The following PAPLN variants were observed in gnomAD, a reference collection of about 807,000 sequenced individuals.
PAPLN encodes papilin, proteoglycan like sulfated glycoprotein.
In PAPLN, 146 loss-of-function variants were observed where a neutral mutation model predicts 159.0. That is an observed-to-expected ratio of 0.92 (90% confidence interval 0.80 to 1.05). The LOEUF (loss-of-function observed/expected upper bound fraction) is 1.05. Ranked by LOEUF, PAPLN falls within the 50% of genes least tolerant of loss-of-function variation. PAPLN has a pLI of 0.00. For synonymous variants in PAPLN, 734 were observed against 702.9 expected (o/e 1.04, Z -0.70); for missense variants, 1,720 against 1,743.9 (o/e 0.99, Z 0.24).
At chr14:73,258,618 T>TA (rs57126237) in intron 14 of PAPLN, among the ~76,000 whole-genome samples, 1,117 of 75,756 alleles carry the variant, frequency 0.015, 35 homozygotes, top group Admixed American at 0.02. Context: ...ACCCTATCTC[T>TA]AAAAAAAAAA....
intron 14 of PAPLN, among the ~76,000 whole-genome samples, chr14:73,257,305 A>T (rs1209450911): frequency 1.3e-5 from 2 of 152,026 alleles, no homozygotes; most frequent in African/African-American, 4.8e-5. Flanking sequence ...TTCTTCCATT[A>T]TATAGTAATA....
intron 14 of PAPLN, among the ~76,000 whole-genome samples, chr14:73,257,445 TA>T (rs1219452678): frequency 6.6e-6 from 1 of 151,484 alleles, no homozygotes; most frequent in East Asian, 1.9e-4. Context: ...TATGTAGCAT[TA>T]AAAAAAAATT....
chr14:73,269,748 T>C (rs919222940), intron 26 of PAPLN, among the ~76,000 whole-genome samples: 8 of 152,138 alleles, frequency 5.3e-5, no homozygotes, highest in Admixed American at 1.3e-4. Context: ...GATACAGACC[T>C]TGGGGGAGTA....
intron 18 of PAPLN, among the ~76,000 whole-genome samples, chr14:73,261,897 T>C (rs1278999142): frequency 1.3e-5 from 2 of 152,094 alleles, no homozygotes; most frequent in African/African-American, 4.8e-5. Context: ...GTGGGCTCAG[T>C]GGCCAGTCAG....
chr14:73,245,754 T>C lies in PAPLN; in HGVS notation c.231+58T>C, dbSNP rs1399776155. On this transcript the variant is annotated intron_variant, in intron 4 of 26. Transcript: ENST00000644200. This position sits in a 1 kb window ranked among gnomAD's most constrained non-coding sequence, Gnocchi z 4.2. ...GCTTCCCCAGCCCCTCCTGGCCGAT[T>C]TCCCCATTGGGATGCCCGCTCCTGG... The C allele has an allele frequency of 2.6e-6, 4 of 1,528,272 alleles. No individual in the cohort carries two copies. Among genetic ancestry groups the C allele is most frequent in the Admixed American group, 3.9e-5 (2 of 50,676 alleles). 94.7% of individuals were successfully genotyped at this position (1,528,272 alleles called of 1,614,324 possible).
intron 9 of PAPLN, 24 bp from the exon 10 acceptor site, chr14:73,251,994 C>A: frequency 6.3e-7 from 1 of 1,591,164 alleles, no homozygotes; most frequent in Non-Finnish European, 8.6e-7. Context: ...GCAGCAGACC[C>A]CAACAAGGAC....
Position 73,245,808 on chromosome 14 carries a change from G to A in PAPLN, c.231+112G>A. 7.3e-7 allele frequency: 1 copy of A among 1,361,528 alleles called. No individual in the cohort carries two copies. The highest frequency in any genetic ancestry group is 1.0e-6 in the Non-Finnish European group (1 of 1,004,768). 84.3% of individuals were successfully genotyped at this position (1,361,528 alleles called of 1,614,324 possible). On this transcript the variant is annotated intron_variant, in intron 4 of 26. Coordinates refer to ENST00000644200, the MANE Select transcript of PAPLN (RefSeq NM_001365906.3). This position sits in a 1 kb window ranked among gnomAD's most constrained non-coding sequence, Gnocchi z 4.2. ...CGGGCTGCTGGGTTGGCCCAGCCTGGGGTCCTCCCGCCAATCCACAGCAGG... is the reference window on the plus strand; with the variant it reads ...CGGGCTGCTGGGTTGGCCCAGCCTGAGGTCCTCCCGCCAATCCACAGCAGG...
chr14:73,253,827 A>G lies in PAPLN; in HGVS notation c.1168A>G (p.Ile390Val). The G allele has an allele frequency of 1.2e-6, 2 of 1,613,648 alleles. No individual in the cohort carries two copies. The highest frequency in any genetic ancestry group is 1.7e-6 in the Non-Finnish European group (2 of 1,179,934). Residue 390 changes from isoleucine (I) to valine (V), a missense_variant, in exon 12 of 27, where the codon ATC (isoleucine) becomes GTC (valine). By Grantham distance (29) the Ile-to-Val change is conservative. Transcript: ENST00000644200. Reference protein sequence around the residue: ...GGSQSRSVYCISSDGAGIQEA... With the variant: ...GGSQSRSVYCVSSDGAGIQEA... Reference sequence around the variant, plus strand: ...CTCCCAGTCCCGCTCCGTGTACTGCATCTCGTCTGACGGGGCCGGCATCCA... The same window carrying G: ...CTCCCAGTCCCGCTCCGTGTACTGCGTCTCGTCTGACGGGGCCGGCATCCA...
In PAPLN at chr14:73,274,590, T is replaced by C. The variant is rs933529453; in HGVS notation, c.*1926T>C. On this transcript the variant is annotated 3_prime_UTR_variant, in exon 27 of 27. Transcript: ENST00000644200. ...TGTTCACTTATGGCTGGTTTTGCTA[T>C]AGAAATTGGAAAATAAAGGCCACTT... 1.3e-5 allele frequency: 2 copies of C among 152,160 alleles called. 1 individual carries two copies. Among genetic ancestry groups the C allele is most frequent in the African/African-American group, 4.8e-5 (2 of 41,436 alleles). 9.4% of individuals were successfully genotyped at this position (152,160 alleles called of 1,614,324 possible). A position where few individuals can be genotyped will look rare whatever the true frequency, so the allele number is the denominator to read the frequency against.
chr14:73,249,972 T>C lies in PAPLN; in HGVS notation c.335-12T>C. ...CCTCAGGATCTCAGTCTTGCCTTCCTGCCCACCCCAGCCCCAAACAAGTGT... is the reference window on the plus strand; with the variant it reads ...CCTCAGGATCTCAGTCTTGCCTTCCCGCCCACCCCAGCCCCAAACAAGTGT... On this transcript the variant is annotated splice_polypyrimidine_tract_variant and intron_variant, in intron 5 of 26. Transcript: ENST00000644200. 2 of 1,592,970 alleles carry C rather than the reference T, an allele frequency of 1.3e-6. No individual in the cohort carries two copies. The highest frequency in any genetic ancestry group is 1.7e-6 in the Non-Finnish European group (2 of 1,168,672).
intron 25 of PAPLN, 107 bp from the exon 26 acceptor site, chr14:73,268,450 A>G: frequency 8.5e-7 from 1 of 1,181,978 alleles, no homozygotes; most frequent in Non-Finnish European, 1.2e-6. Context: ...TTTGCTCTCA[A>G]GGGGTGGGAA....
chr14:73,251,455 G>A, intron 7 of PAPLN, 31 bp from the exon 8 acceptor site: 1 of 1,592,284 alleles, frequency 6.3e-7, no homozygotes, highest in East Asian at 2.2e-5. Context: ...GGATAGCCCA[G>A]CACACCCAGC....
chr14:73,267,338 A>AT (rs887334929), intron 25 of PAPLN, among the ~76,000 whole-genome samples: 2 of 152,082 alleles, frequency 1.3e-5, no homozygotes, highest in Non-Finnish European at 2.9e-5. Flanking sequence ...TTTAGCAGCC[A>AT]TTTTTTGCCT....
At chr14:73,255,370 C>T (rs1885785405) in intron 14 of PAPLN, among the ~76,000 whole-genome samples, 1 of 152,158 alleles carries the variant, frequency 6.6e-6, no homozygotes, top group Admixed American at 6.5e-5. Flanking sequence ...GGACTGGGTC[C>T]CCAACTTCCA....
chr14:73,251,513 T>G lies in PAPLN; in HGVS notation c.617T>G (p.Met206Arg), dbSNP rs763283352. 6.2e-7 allele frequency: 1 copy of G among 1,610,244 alleles called. No homozygotes were observed. The highest frequency in any genetic ancestry group is 8.5e-7 in the Non-Finnish European group (1 of 1,179,826). ...RGYNQILIVP[M>R]GATSILIDEA... is the part of the protein sequence containing the mutation. ...TACAACCAGATCCTCATAGTTCCCA[T>G]GGGTGCCACCAGCATCCTCATCGAC... Residue 206 changes from methionine to arginine, a missense_variant, in exon 8 of 27, where the codon ATG becomes AGG. Physicochemically the swap from Met to Arg is moderately conservative, Grantham distance 91. Coordinates refer to ENST00000644200, the MANE Select transcript of PAPLN (RefSeq NM_001365906.3).
chr14:73,251,853 GGA>G lies in PAPLN; in HGVS notation c.843+23_843+24del. On this transcript the variant is annotated intron_variant, in intron 9 of 26. Transcript: ENST00000644200. Reference sequence around the variant, plus strand: ...GTCATCGAGGTAAATGGGGGTGTGGGGAGAGAGGGCGAGTGGGCAGCTCGTGG... The same window carrying G: ...GTCATCGAGGTAAATGGGGGTGTGGGGAGAGGGCGAGTGGGCAGCTCGTGG... 1 of 1,582,864 alleles carries G rather than the reference GGA, an allele frequency of 6.3e-7. No individual in the cohort carries two copies. The highest frequency in any genetic ancestry group is 8.6e-7 in the Non-Finnish European group (1 of 1,167,354).
intron 1 of PAPLN, chr14:73,239,567 T>C (rs1594769872): frequency 1.1e-6 from 1 of 901,186 alleles, no homozygotes; most frequent in East Asian, 3.2e-5. Context: ...GGATGGGCCA[T>C]TCCTTTCTTG....
chr14:73,264,879 A>G (rs1887057671), intron 22 of PAPLN, among the ~76,000 whole-genome samples, 153 bp downstream of exon 22: 1 of 152,280 alleles, frequency 6.6e-6, no homozygotes. Flanking sequence ...CAGGGCTCCC[A>G]GAGCTGGGCC....
At chr14:73,256,116 A>T (rs1885878448) in intron 14 of PAPLN, among the ~76,000 whole-genome samples, 1 of 152,056 alleles carries the variant, frequency 6.6e-6, no homozygotes, top group Admixed American at 6.5e-5. Flanking sequence ...CCAGCAGGAG[A>T]GCCTTGGACT....
Sources: gnomAD v4.1 joint callset for allele counts (sites outside exome capture counted in the v4.1 genomes callset) on GRCh38, gnomAD v4.1.1 for gene constraint, Gnocchi (gnomAD v3.1) non-coding constraint, MANE v1.5 for transcripts, NCBI Gene and HGNC (gene_info 2026-07-23, HGNC 2026-07-21) for gene names.